Variants in CYP4F3 observed in about 807,000 individuals in gnomAD.
The protein encoded by CYP4F3 is cytochrome P450 4F3.
In CYP4F3, 50 loss-of-function variants were observed where a neutral mutation model predicts 54.8. That is an observed-to-expected ratio of 0.91 (90% confidence interval 0.73 to 1.16). CYP4F3 has a LOEUF of 1.16. Among genes scored for constraint, CYP4F3 ranks in the 50% most tolerant of loss-of-function variants. The pLI, the probability that CYP4F3 is intolerant of heterozygous loss-of-function variation, is 0.00. For missense variants in CYP4F3, 715 were observed against 676.2 expected (o/e 1.06, Z -0.64); for synonymous variants, 244 against 262.6 (o/e 0.93, Z 0.69).
chr19:15,658,472 G>GC lies in CYP4F3; in HGVS notation c.1250-14dup, dbSNP rs1568403739. ...TCAGGCAGGGAGCATTGTCCTGACT[G>GC]CCCCCTTCTCTCCCACAGGCATTAT... On this transcript the variant is annotated intron_variant, in intron 10 of 12. Transcript: ENST00000221307. 1 of 1,614,152 alleles carries GC rather than the reference G, an allele frequency of 6.2e-7. No homozygotes were observed.
chr19:15,660,093 T>C lies in CYP4F3; in HGVS notation c.*708T>C, dbSNP rs1973149190. On this transcript the variant is annotated 3_prime_UTR_variant, in exon 13 of 13. Coordinates refer to ENST00000221307, the MANE Select transcript of CYP4F3 (RefSeq NM_000896.3). Reference sequence around the variant, plus strand: ...CACAAAAGAATATGTTGTGAGCATCTTTCCATGATATTAAATCATCTTAGG... The same window carrying C: ...CACAAAAGAATATGTTGTGAGCATCCTTCCATGATATTAAATCATCTTAGG... 1 of 152,258 alleles carries C rather than the reference T, an allele frequency of 6.6e-6. No homozygotes were observed. Among genetic ancestry groups the C allele is most frequent in the Non-Finnish European group, 1.5e-5 (1 of 68,040 alleles). The allele number at this position is 152,258 out of a possible 1,614,324, so 9.4% of individuals were successfully genotyped here.
At chr19:15,656,760 CT>C (rs201946034) in intron 9 of CYP4F3, among the ~76,000 whole-genome samples, 3,554 of 102,236 alleles carry the variant, frequency 0.035, 56 homozygotes, top group Middle Eastern at 0.08. Context: ...ATCTATCTAT[CT>C]ATCTATCATC....
intron 9 of CYP4F3, among the ~76,000 whole-genome samples, chr19:15,656,724 C>T (rs549657598): frequency 1.2e-4 from 14 of 115,554 alleles, no homozygotes; most frequent in Non-Finnish European, 1.8e-4. Flanking sequence ...TCTATATCAT[C>T]TATTTATCTA....
chr19:15,661,485 C>T lies in CYP4F3; in HGVS notation c.*2100C>T, dbSNP rs141847217. On this transcript the variant is annotated 3_prime_UTR_variant, in exon 13 of 13. Transcript: ENST00000221307. ...GTGGCATATCCCTGAGATTTTAATT[C>T]GCATTTTCCAGTGACTAAGGGTGTT... is the stretch of plus-strand genomic sequence containing the variant. The T allele has an allele frequency of 1.7e-4, 26 of 152,262 alleles. No homozygotes were observed. The highest frequency in any genetic ancestry group is 6.0e-4 in the African/African-American group (25 of 41,540). 9.4% of individuals were successfully genotyped at this position (152,262 alleles called of 1,614,324 possible).
In CYP4F3 at chr19:15,647,119, G is replaced by C; in HGVS notation, c.397+14G>C. ...AGCCCTGGCTGGGTGAGTATCTGTA[G>C]GTGAACAGGGTTGGGAACAACCTGG... On this transcript the variant is annotated intron_variant, in intron 4 of 12. Transcript: ENST00000221307. 3 of 1,614,192 alleles carry C rather than the reference G, an allele frequency of 1.9e-6. No homozygotes were observed. Among genetic ancestry groups the C allele is most frequent in the Non-Finnish European group, 2.5e-6 (3 of 1,180,020 alleles).
At chr19:15,642,635 C>G (rs192279437) in intron 2 of CYP4F3, among the ~76,000 whole-genome samples, 1 of 152,202 alleles carries the variant, frequency 6.6e-6, no homozygotes, top group Non-Finnish European at 1.5e-5. Context: ...GCTAAGTGGG[C>G]CTCTGTGAGT....
intron 9 of CYP4F3, among the ~76,000 whole-genome samples, chr19:15,653,670 C>A: frequency 6.7e-6 from 1 of 149,018 alleles, no homozygotes. Context: ...TAATTGGGTA[C>A]AGTTGGGGAG....
intron 2 of CYP4F3, among the ~76,000 whole-genome samples, chr19:15,643,401 G>A (rs376085300): frequency 1.0e-5 from 1 of 96,636 alleles, no homozygotes; most frequent in South Asian, 3.2e-4. Flanking sequence ...GATATATATA[G>A]GTAAATAGAT....
intron 9 of CYP4F3, among the ~76,000 whole-genome samples, chr19:15,655,553 T>C (rs1484987101): frequency 6.6e-6 from 1 of 152,232 alleles, no homozygotes; most frequent in Admixed American, 6.5e-5. Context: ...AGCTCCACCT[T>C]AGCGGTGACT....
intron 7 of CYP4F3, among the ~76,000 whole-genome samples, chr19:15,652,013 C>T (rs993372167): frequency 6.6e-6 from 1 of 152,008 alleles, no homozygotes; most frequent in Admixed American, 6.5e-5. Context: ...AGACTTTGTA[C>T]CCTAGGAAAG....
intron 12 of CYP4F3, 129 bp downstream of exon 12, chr19:15,658,938 T>C: frequency 1.5e-6 from 2 of 1,353,768 alleles, no homozygotes; most frequent in Non-Finnish European, 2.0e-6. Context: ...TCCTCTGGAG[T>C]TTATGGGAAA....
At chr19:15,658,045 T>C (rs1045861872) in intron 9 of CYP4F3, 9 of 897,066 alleles carry the variant, frequency 1.0e-5, no homozygotes, top group East Asian at 1.2e-4. Flanking sequence ...TTTTCTCTTA[T>C]TCTCATGTCT....
intron 7 of CYP4F3, 57 bp from the exon 8 acceptor site, chr19:15,652,512 A>T: frequency 6.5e-7 from 1 of 1,530,226 alleles, no homozygotes; most frequent in South Asian, 1.1e-5. Flanking sequence ...AAGAGCCCTC[A>T]GAGGTACTGT....
chr19:15,646,969 C>A (rs1972644408), intron 3 of CYP4F3, 83 bp from the exon 4 acceptor site: 1 of 1,580,732 alleles, frequency 6.3e-7, no homozygotes, highest in African/African-American at 1.4e-5. Context: ...GAAGTGCAAA[C>A]CTCTTGCTGG....
chr19:15,658,339 C>G lies in CYP4F3; in HGVS notation c.1191C>G (p.Ala397=). The G allele has an allele frequency of 1.2e-6, 2 of 1,614,124 alleles. No homozygotes were observed. Among genetic ancestry groups the G allele is most frequent in the Non-Finnish European group, 1.7e-6 (2 of 1,180,020 alleles). ...ESLRLHPPVP[A]VSRCCTQDIV... The stretch of plus-strand genomic sequence containing the variant: ...TGAGGCTGCATCCCCCAGTCCCTGC[C>G]GTCTCTCGCTGCTGCACCCAAGACA... The change falls in exon 10 of 13, where the codon GCC becomes GCG. Residue 397 remains alanine (A), a synonymous_variant. Transcript: ENST00000221307.
chr19:15,645,980 G>A (rs1972614592), intron 3 of CYP4F3, 117 bp downstream of exon 3: 1 of 1,355,160 alleles, frequency 7.4e-7, no homozygotes, highest in African/African-American at 1.5e-5. Flanking sequence ...AGGAGGGGCT[G>A]TGGTGGAGAT....
chr19:15,651,642 C>T (rs888917451), intron 7 of CYP4F3, among the ~76,000 whole-genome samples: 14 of 151,708 alleles, frequency 9.2e-5, no homozygotes, highest in South Asian at 8.4e-4. Flanking sequence ...CCACTGCACC[C>T]GGCCATATTT....
At position 15,647,184 on chromosome 19, in the gene CYP4F3, G is replaced by T; in HGVS notation, c.398-13G>T. 6.2e-7 allele frequency: 1 copy of T among 1,614,210 alleles called. No individual in the cohort carries two copies. Among genetic ancestry groups the T allele is most frequent in the Non-Finnish European group, 8.5e-7 (1 of 1,180,040 alleles). ...GAGATGCCCTTGCCCATGGCCCTTG[G>T]CTGCCCTGCCAGGGGATGGGCTCCT... On this transcript the variant is annotated splice_polypyrimidine_tract_variant and intron_variant, in intron 4 of 12. Coordinates refer to ENST00000221307, the MANE Select transcript of CYP4F3 (RefSeq NM_000896.3).
chr19:15,641,327 C>G (rs1290618), intron 1 of CYP4F3, 88 bp from the exon 2 acceptor site: 5 of 1,492,408 alleles, frequency 3.4e-6, no homozygotes, highest in Non-Finnish European at 4.6e-6. Flanking sequence ...CAGCACTGCC[C>G]GTCTCTGCCT....
Sources: allele counts gnomAD v4.1 joint callset (sites outside exome capture counted in the v4.1 genomes callset), GRCh38; gene constraint gnomAD v4.1.1; transcripts MANE v1.5; gene names NCBI Gene and HGNC (gene_info 2026-07-23, HGNC 2026-07-21).